BOP1: variants seen among roughly 807,000 people sequenced by gnomAD.
The protein encoded by BOP1 is ribosome biogenesis protein BOP1.
Under a neutral mutation model 82.9 loss-of-function variants are expected in BOP1, and 54 were observed. The ratio of observed to expected loss-of-function variants is 0.65; its 90% CI spans 0.52 to 0.82. The LOEUF (loss-of-function observed/expected upper bound fraction) is 0.82. Among genes scored for constraint, BOP1 ranks in the 40% least tolerant of loss-of-function variants. The pLI, the probability that BOP1 is intolerant of heterozygous loss-of-function variation, is 0.00. For synonymous variants in BOP1, 566 were observed against 451.1 expected (o/e 1.25, Z -3.23); for missense variants, 1,170 against 1,072.0 (o/e 1.09, Z -1.28).
intron 3 of BOP1, among the ~76,000 whole-genome samples, chr8:144,272,588 G>A (rs934634130): frequency 6.6e-6 from 1 of 151,062 alleles, no homozygotes; most frequent in Non-Finnish European, 1.5e-5. Context: ...CTGCCCACCC[G>A]GGTTCCAGCT....
At chr8:144,282,659 G>A (rs115928614) in intron 2 of BOP1, among the ~76,000 whole-genome samples, 151,484 of 152,154 alleles carry the variant, frequency 1, 75,416 homozygotes, top group Middle Eastern at 1. Flanking sequence ...GGGAAGGAAG[G>A]GGGAGGTACA....
At chr8:144,290,115 T>C (rs1815000283) in intron 1 of BOP1, among the ~76,000 whole-genome samples, 1 of 152,048 alleles carries the variant, frequency 6.6e-6, no homozygotes. Flanking sequence ...TCCCAACACT[T>C]TGGGAGGCTG....
chr8:144,269,933 C>T (rs112411771), intron 3 of BOP1, among the ~76,000 whole-genome samples: 209 of 152,280 alleles, frequency 1.4e-3, no homozygotes, highest in African/African-American at 4.7e-3. Flanking sequence ...ACGGCGCCCA[C>T]GCCAGCCCTC....
intron 3 of BOP1, chr8:144,266,440 G>A (rs1247147651): frequency 6.4e-6 from 6 of 933,148 alleles, no homozygotes; most frequent in East Asian, 1.2e-4. Flanking sequence ...GGCGCAGCTC[G>A]GGGCCCCGCT....
In BOP1 at chr8:144,263,779, G is replaced by A; in HGVS notation, c.1222-18C>T. ...CTGTAGACCTGAGGAGGCGGCGGCA[G>A]TGAGGAGTCAGACTGGGAGGGTGCA... On this transcript the variant is annotated intron_variant, in intron 9 of 15. Coordinates refer to ENST00000569669, the MANE Select transcript of BOP1 (RefSeq NM_015201.5). 2 of 1,600,036 alleles carry A rather than the reference G, an allele frequency of 1.2e-6. No homozygotes were observed. Among genetic ancestry groups the A allele is most frequent in the African/African-American group, 1.3e-5 (1 of 74,844 alleles).
chr8:144,263,920 G>A lies in BOP1; in HGVS notation c.1141-9C>T, dbSNP rs1845297848. Reference sequence around the variant, plus strand: ...TCAGGGTCTACATTCACCTGGGGCAGGAGAGCGCCAGGTCAGCCTTGCCCC... The same window carrying A: ...TCAGGGTCTACATTCACCTGGGGCAAGAGAGCGCCAGGTCAGCCTTGCCCC... On this transcript the variant is annotated splice_polypyrimidine_tract_variant and intron_variant, in intron 8 of 15. Transcript: ENST00000569669. 1 of 1,611,368 alleles carries A rather than the reference G, an allele frequency of 6.2e-7. No individual in the cohort carries two copies. The highest frequency in any genetic ancestry group is 1.7e-5 in the Admixed American group (1 of 59,934).
Position 144,279,162 on chromosome 8 carries a change from C to T in BOP1, c.310-2858G>A, listed in dbSNP as rs72614054. ...TGGGCCTCAAGACCACCACAGGCCA[C>T]GACCACCACGGGTCTCAAGACCATC... is the stretch of plus-strand genomic sequence containing the variant. On this transcript the variant is annotated intron_variant, in intron 2 of 15. Transcript: ENST00000569669. Among the ~76,000 whole-genome samples the T allele has an allele frequency of 1.4e-3, 61 of 42,548 alleles. 1 individual carries two copies. The highest frequency in any genetic ancestry group is 9.7e-3 in the Admixed American group (47 of 4,848). The allele number at this position is 42,548 out of a possible 152,430, so 27.9% of individuals were successfully genotyped here. A position where few individuals can be genotyped will look rare whatever the true frequency, so the allele number is the denominator to read the frequency against.
In BOP1 at chr8:144,266,697, C is replaced by T. The variant is rs1368020971; in HGVS notation, c.391-1626G>A. 4.1e-6 allele frequency: 5 copies of T among 1,226,730 alleles called. No homozygotes were observed. The African/African-American group carries it at 6.6e-5, about 16-fold the overall frequency. 76.0% of individuals were successfully genotyped at this position (1,226,730 alleles called of 1,614,324 possible). On this transcript the variant is annotated intron_variant, in intron 3 of 15. Transcript: ENST00000569669. ...GCCCGCTGTCGGAGGACGAGGACCG[C>T]GGCAGCGACAGCTCGGGCTCCGACG... is the stretch of plus-strand genomic sequence containing the variant.
intron 2 of BOP1, among the ~76,000 whole-genome samples, chr8:144,281,186 A>G (rs1845672237): frequency 3.9e-5 from 2 of 50,780 alleles, no homozygotes; most frequent in African/African-American, 1.0e-4. Flanking sequence ...TCACTTTCAT[A>G]CCAGGTCTTT....
chr8:144,281,076 C>A (rs113963750), intron 2 of BOP1, among the ~76,000 whole-genome samples: 25,209 of 45,276 alleles, frequency 0.56, 6,170 homozygotes, highest in South Asian at 0.62. Flanking sequence ...ACCAGGTCTT[C>A]GGCCTTCTCT....
chr8:144,276,367 G>T, intron 2 of BOP1, 63 bp from the exon 3 acceptor site: 1 of 1,578,070 alleles, frequency 6.3e-7, no homozygotes, highest in Non-Finnish European at 8.6e-7. Context: ...ACCTTGGGGG[G>T]ATCCCAGGAA....
chr8:144,266,858 C>T (rs1471071494), intron 3 of BOP1: 7 of 1,416,110 alleles, frequency 4.9e-6, no homozygotes, highest in Non-Finnish European at 5.6e-6. Flanking sequence ...ACGGCGAACG[C>T]GCGCGAGCGA....
At position 144,264,687 on chromosome 8, in the gene BOP1, G is replaced by A. The variant is rs944884489; in HGVS notation, c.663+27C>T. 3.0e-5 allele frequency: 47 copies of A among 1,563,580 alleles called. No homozygotes were observed. In the East Asian group the frequency reaches 5.2e-4, roughly 17 times the overall value. On this transcript the variant is annotated intron_variant, in intron 5 of 15. Coordinates refer to ENST00000569669, the MANE Select transcript of BOP1 (RefSeq NM_015201.5). The stretch of plus-strand genomic sequence containing the variant: ...TGCTGGTGCCTCCAGGACCCCCGCC[G>A]CCCAGGGGCCAGCCCCTGCCACCTA...
In BOP1 at chr8:144,263,625, G is replaced by C. The variant is rs1554836859; in HGVS notation, c.1292-15C>G. 3 of 1,608,758 alleles carry C rather than the reference G, an allele frequency of 1.9e-6. No individual in the cohort carries two copies. Among genetic ancestry groups the C allele is most frequent in the South Asian group, 1.1e-5 (1 of 90,744 alleles). The stretch of plus-strand genomic sequence containing the variant: ...GTCGTCAGAGCCTGGATGCGGCAGA[G>C]ACAGCTCTCAACACCTGGCCATCCC... On this transcript the variant is annotated splice_polypyrimidine_tract_variant and intron_variant, in intron 10 of 15. Transcript: ENST00000569669.
chr8:144,266,443 GC>G, intron 3 of BOP1: 2 of 941,656 alleles, frequency 2.1e-6, no homozygotes, highest in Non-Finnish European at 2.5e-6. Flanking sequence ...GCAGCTCGGG[GC>G]CCCGCTCCGG....
intron 2 of BOP1, among the ~76,000 whole-genome samples, chr8:144,280,487 C>T (rs782534714): frequency 1.8e-4 from 27 of 152,278 alleles, no homozygotes; most frequent in Non-Finnish European, 3.2e-4. Context: ...CCAGAGCCTT[C>T]GCTGAGACGC....
chr8:144,263,097 G>A lies in BOP1; in HGVS notation c.1650C>T (p.Ala550=), dbSNP rs1488579196. The change falls in exon 13 of 16, where the codon GCC becomes GCT. Residue 550 remains alanine, a synonymous_variant. Coordinates refer to ENST00000569669, the MANE Select transcript of BOP1 (RefSeq NM_015201.5). ...VTWHGRGDYL[A]VVLATQGHTQ... is the part of the protein sequence containing the mutation. ...TGTGGCCTTGGGTGGCCAGCACCAC[G>A]GCCAGGTAGTCCCCACGCCCGTGCC... 2.7e-5 allele frequency: 43 copies of A among 1,592,416 alleles called. No individual in the cohort carries two copies. Among genetic ancestry groups the A allele is most frequent in the South Asian group, 2.7e-4 (24 of 90,192 alleles).
At chr8:144,279,355 C>A (rs1209996283) in intron 2 of BOP1, among the ~76,000 whole-genome samples, 1 of 141,306 alleles carries the variant, frequency 7.1e-6, no homozygotes, top group Non-Finnish European at 1.5e-5. Flanking sequence ...ACGACCACCA[C>A]AGGCCCCAAG....
Position 144,262,464 on chromosome 8 carries a change from C to A in BOP1, c.2019G>T (p.Pro673=), listed in dbSNP as rs1406246373. The change falls in exon 15 of 16, where the codon CCG becomes CCT. Residue 673 remains proline, a synonymous_variant. Transcript: ENST00000569669. ...AGCCTGACGCAAAGAGTGGGTACCG[C>A]GGGTGGAAGGCCACAGCCCGCAGAG... is the stretch of plus-strand genomic sequence containing the variant. The part of the protein sequence containing the change: ...KKALRAVAFH[P]RYPLFASGSD... 2.5e-6 allele frequency: 4 copies of A among 1,612,866 alleles called. No individual in the cohort carries two copies. The African/African-American group carries it at 4.0e-5, about 16-fold the overall frequency.
Sources: allele counts gnomAD v4.1 joint callset (sites outside exome capture counted in the v4.1 genomes callset), GRCh38; gene constraint gnomAD v4.1.1; transcripts MANE v1.5; gene names NCBI Gene and HGNC (gene_info 2026-07-23, HGNC 2026-07-21).